TRPC4: variants seen among roughly 807,000 people sequenced by gnomAD.
TRPC4 encodes the protein transient receptor potential cation channel subfamily C member 4.
TRPC4 carries 49 observed loss-of-function variants against 99.4 expected under a neutral mutation model. That is an observed-to-expected ratio of 0.49 (90% CI 0.39 to 0.63). The LOEUF (loss-of-function observed/expected upper bound fraction) is 0.63. Among genes scored for constraint, TRPC4 ranks in the 20% least tolerant of loss-of-function variants. The probability of loss-of-function intolerance (pLI) is 0.00; values close to 1 mark genes in which losing one functional copy is unlikely to be tolerated. For synonymous variants in TRPC4, 454 were observed against 425.9 expected, an observed-to-expected ratio of 1.07 and a Z score of -0.81; for missense variants, 898 against 1,152.9, an observed-to-expected ratio of 0.78 and a Z score of 3.20.
intron 5 of TRPC4, among the ~76,000 whole-genome samples, chr13:37,665,049 A>T (rs371886826): frequency 6.6e-6 from 1 of 152,174 alleles, no homozygotes; most frequent in African/African-American, 2.4e-5. Context: ...ATTACTGAAG[A>T]TATAAAAAAA....
intron 2 of TRPC4, among the ~76,000 whole-genome samples, chr13:37,746,815 CA>C (rs1368360649): frequency 3.3e-5 from 5 of 151,986 alleles, no homozygotes; most frequent in Admixed American, 1.3e-4. Context: ...TGTTGAGGTC[CA>C]AAATAATCAA....
At chr13:37,734,872 C>A (rs1955349194) in intron 3 of TRPC4, among the ~76,000 whole-genome samples, 1 of 151,876 alleles carries the variant, frequency 6.6e-6, no homozygotes, top group Admixed American at 6.6e-5. Flanking sequence ...AGGGAGCTAG[C>A]AAGGAACCAT....
At chr13:37,800,135 G>T (rs189285230) in intron 1 of TRPC4, among the ~76,000 whole-genome samples, 173 of 152,302 alleles carry the variant, frequency 1.1e-3, no homozygotes, top group African/African-American at 3.9e-3. Flanking sequence ...TGATTTAGAT[G>T]AATGTAAACT....
intron 5 of TRPC4, among the ~76,000 whole-genome samples, chr13:37,665,407 A>G (rs934440893): frequency 1.3e-5 from 2 of 152,210 alleles, no homozygotes; most frequent in African/African-American, 4.8e-5. Flanking sequence ...AAAATACACA[A>G]AAAATGAAAC....
At chr13:37,729,463 T>A (rs117608879) in intron 3 of TRPC4, among the ~76,000 whole-genome samples, 3,634 of 152,114 alleles carry the variant, frequency 0.024, 78 homozygotes, top group Non-Finnish European at 0.035. Context: ...ACTATATGAT[T>A]CAGAAGTTCC....
chr13:37,767,546 A>C (rs539467055), intron 2 of TRPC4, among the ~76,000 whole-genome samples: 2 of 151,440 alleles, frequency 1.3e-5, no homozygotes, highest in African/African-American at 4.8e-5. Flanking sequence ...TTAAAATATT[A>C]GGCAGCATTG....
chr13:37,632,924 A>G lies in TRPC4; in HGVS notation c.*3979T>C, dbSNP rs142233165. Among the ~76,000 whole-genome samples, 6 of 152,296 alleles carry G rather than the reference A, an allele frequency of 3.9e-5. No individual in the cohort carries two copies. Among genetic ancestry groups the G allele is most frequent in the African/African-American group, 1.4e-4 (6 of 41,556 alleles). ...GGCAAAGAAGACAAAATGTTCCCCA[A>G]ATAAAAAGTCAGTGGTCAAGGCATT... is the stretch of plus-strand genomic sequence containing the variant. On this transcript the variant is annotated 3_prime_UTR_variant, in exon 11 of 11. Transcript: ENST00000379705.
chr13:37,823,104 T>A (rs1361357096), intron 1 of TRPC4, among the ~76,000 whole-genome samples: 2 of 151,680 alleles, frequency 1.3e-5, no homozygotes, highest in South Asian at 4.2e-4. Context: ...CTTCACCCAC[T>A]TTTTGATGGG....
chr13:37,837,808 A>C (rs1364138494), intron 1 of TRPC4, among the ~76,000 whole-genome samples: 1 of 152,180 alleles, frequency 6.6e-6, no homozygotes, highest in Non-Finnish European at 1.5e-5. Flanking sequence ...GGGACGAGCC[A>C]GGGGTGGCAT....
intron 2 of TRPC4, among the ~76,000 whole-genome samples, chr13:37,759,135 T>C (rs956418324): frequency 6.6e-6 from 1 of 151,822 alleles, no homozygotes; most frequent in Non-Finnish European, 1.5e-5. Context: ...TTTGATTATG[T>C]ATTTAAAGTT....
intron 3 of TRPC4, among the ~76,000 whole-genome samples, chr13:37,741,036 G>C (rs1217599675): frequency 6.6e-6 from 1 of 152,110 alleles, no homozygotes; most frequent in African/African-American, 2.4e-5. Flanking sequence ...AAAGGGAAAG[G>C]CAAATTAAAT....
chr13:37,638,916 A>G (rs73184537), intron 10 of TRPC4, 124 bp downstream of exon 10: 106,602 of 942,834 alleles, frequency 0.11, 6,759 homozygotes, highest in Middle Eastern at 0.21. Flanking sequence ...TCAGCTGAAA[A>G]ATCAGAAGCC....
At chr13:37,812,869 C>T (rs577220886) in intron 1 of TRPC4, among the ~76,000 whole-genome samples, 1 of 151,958 alleles carries the variant, frequency 6.6e-6, no homozygotes, top group African/African-American at 2.4e-5. Flanking sequence ...AATCAGCCAA[C>T]AATTGCTCCT....
intron 3 of TRPC4, among the ~76,000 whole-genome samples, chr13:37,694,766 A>T (rs1043910484): frequency 6.6e-6 from 1 of 152,214 alleles, no homozygotes; most frequent in African/African-American, 2.4e-5. Flanking sequence ...AAAATTATGG[A>T]GAGGACTAAG....
intron 3 of TRPC4, among the ~76,000 whole-genome samples, chr13:37,709,490 C>T (rs1348129917): frequency 6.6e-6 from 1 of 151,912 alleles, no homozygotes; most frequent in Non-Finnish European, 1.5e-5. Flanking sequence ...ATATTTGAAA[C>T]AAATAGGGAA....
intron 6 of TRPC4, among the ~76,000 whole-genome samples, chr13:37,658,547 T>C (rs1223598465): frequency 6.6e-6 from 1 of 152,100 alleles, no homozygotes; most frequent in Non-Finnish European, 1.5e-5. Context: ...AAATGAAATA[T>C]TAAAATAATG....
Position 37,770,193 on chromosome 13 carries a change from A to G in TRPC4, c.378+12763T>C, listed in dbSNP as rs139351080. ...ATATGACTGAAAATTTATATGATAA[A>G]TATGACTGAATTTCAGGCCTGACTC... On this transcript the variant is annotated intron_variant, in intron 2 of 10. Transcript: ENST00000379705. Among the ~76,000 whole-genome samples the G allele has an allele frequency of 4.6e-5, 7 of 151,616 alleles. No individual in the cohort carries two copies. The East Asian group carries it at 1.4e-3, about 30-fold the overall frequency.
At chr13:37,778,167 C>A (rs1196302425) in intron 2 of TRPC4, among the ~76,000 whole-genome samples, 1 of 152,054 alleles carries the variant, frequency 6.6e-6, no homozygotes, top group African/African-American at 2.4e-5. Flanking sequence ...CCATTCAAAT[C>A]GATGCAGTGG....
chr13:37,828,730 G>A (rs752212875), intron 1 of TRPC4, among the ~76,000 whole-genome samples: 28 of 152,190 alleles, frequency 1.8e-4, no homozygotes, highest in Non-Finnish European at 3.7e-4. Flanking sequence ...ACTAACACAG[G>A]AACAGAAAAC....
Sources: gnomAD v4.1 joint callset for allele counts (sites outside exome capture counted in the v4.1 genomes callset) on GRCh38, gnomAD v4.1.1 for gene constraint, MANE v1.5 for transcripts, NCBI Gene and HGNC (gene_info 2026-07-23, HGNC 2026-07-21) for gene names.